Variants in MED1 observed in about 807,000 individuals in gnomAD.
The protein encoded by MED1 is mediator of RNA polymerase II transcription subunit 1.
A neutral mutation model predicts 121.3 loss-of-function variants in MED1; 17 were observed. The observed-to-expected ratio is 0.14, with a 90% CI of 0.10 to 0.21. The LOEUF (loss-of-function observed/expected upper bound fraction) is 0.21, where lower values mean the gene tolerates loss of function less well. MED1 is among the 10% of genes least tolerant of loss of function. The pLI, the probability that MED1 is intolerant of heterozygous loss-of-function variation, is 1.00. For missense variants in MED1, 1,558 were observed against 1,919.4 expected (o/e 0.81, Z 3.52); for synonymous variants, 661 against 694.4 (o/e 0.95, Z 0.76).
rs2048396374 is a variant in MED1 at position 39,415,042 on chromosome 17, C to T, written c.1483G>A (p.Ala495Thr). ...CAAGGCTACCTTTGAACAACTTTGG[C>T]AATGAAGTCATCTGTGCAGATCAGT... ...DALICTDDFI[A>T]KVVQRCMSIP... is the part of the protein sequence containing the mutation. The change falls in exon 16 of 17, where the codon GCC becomes ACC. Residue 495 changes from alanine to threonine, a missense_variant. Physicochemically the swap from Ala to Thr is moderately conservative, Grantham distance 58. This residue lies in a region of MED1 where 50 missense variants were observed against 134.5 expected (regional missense o/e 0.37). Coordinates refer to ENST00000300651, the MANE Select transcript of MED1 (RefSeq NM_004774.4). The T allele has an allele frequency of 6.2e-7, 1 of 1,613,998 alleles. No homozygotes were observed. Among genetic ancestry groups the T allele is most frequent in the Non-Finnish European group, 8.5e-7 (1 of 1,179,896 alleles).
At chr17:39,427,497 C>A (rs1460318483) in intron 10 of MED1, 1 of 354,574 alleles carries the variant, frequency 2.8e-6, no homozygotes, top group East Asian at 5.1e-5. Flanking sequence ...ACTTATTAAG[C>A]TCCTATTATG....
At chr17:39,418,018 G>A (rs2048425831) in intron 14 of MED1, among the ~76,000 whole-genome samples, 1 of 146,294 alleles carries the variant, frequency 6.8e-6, no homozygotes. Flanking sequence ...CCTGGGAGGC[G>A]GAGGTTGCAG....
chr17:39,434,435 A>G (rs2048599221), intron 6 of MED1, 115 bp from the exon 7 acceptor site: 2 of 515,546 alleles, frequency 3.9e-6, no homozygotes, highest in Non-Finnish European at 6.9e-6. Context: ...TTTAATAATC[A>G]GCTTTAACCA....
rs761559810 is a variant in MED1 at position 39,408,550 on chromosome 17, G to A, written c.3671C>T (p.Pro1224Leu). 6.2e-7 allele frequency: 1 copy of A among 1,614,212 alleles called. No homozygotes were observed. The highest frequency in any genetic ancestry group is 1.7e-5 in the Admixed American group (1 of 60,028). ...AGAACCACCAGAACCTGAACTGATA[G>A]GGGACTTGGCTTTAGAGGATGGAGG... ...GTPPSSKAKS[P>L]ISSGSGGSHM... The change falls in exon 17 of 17, where the codon CCT becomes CTT. Residue 1224 changes from proline (P) to leucine (L), a missense_variant. By Grantham distance (98) the Pro-to-Leu change is moderately conservative (BLOSUM62 -3). Transcript: ENST00000300651. The surrounding 1 kb of genome is among the most constrained non-coding windows in gnomAD (Gnocchi z 4.7).
Position 39,408,909 on chromosome 17 carries a change from A to C in MED1, c.3312T>G (p.Ser1104=), listed in dbSNP as rs1311450681. Residue 1104 remains serine, a synonymous_variant, in exon 17 of 17, where the codon TCT becomes TCG. Coordinates refer to ENST00000300651, the MANE Select transcript of MED1 (RefSeq NM_004774.4). This position sits in a 1 kb window ranked among gnomAD's most constrained non-coding sequence, Gnocchi z 4.7. ...SKSHHSHSSS[S]SSSASTSGKM... is the part of the protein sequence containing the mutation. The stretch of plus-strand genomic sequence containing the variant: ...TCCCTGAGGTGGAAGCAGATGAGGA[A>C]GAGGAGGAAGAATGGCTATGGTGGC... 3.7e-6 allele frequency: 6 copies of C among 1,614,050 alleles called. No individual in the cohort carries two copies. The highest frequency in any genetic ancestry group is 5.1e-6 in the Non-Finnish European group (6 of 1,180,042).
chr17:39,444,906 T>C (rs2048712405), intron 2 of MED1, among the ~76,000 whole-genome samples: 2 of 152,082 alleles, frequency 1.3e-5, no homozygotes, highest in African/African-American at 4.8e-5. Flanking sequence ...AAAAAAAACT[T>C]AGCCTAGTTT....
intron 15 of MED1, 27 bp downstream of exon 15, chr17:39,415,217 G>C (rs1404833624): frequency 1.2e-6 from 2 of 1,608,628 alleles, no homozygotes; most frequent in Non-Finnish European, 1.7e-6. Context: ...CGCTCCATGA[G>C]AGGTGTTAGC....
At position 39,404,321 on chromosome 17, in the gene MED1, A is replaced by G. The variant is rs1406459954; in HGVS notation, c.*3154T>C. The G allele has an allele frequency of 1.3e-5, 2 of 152,318 alleles. No homozygotes were observed. Among genetic ancestry groups the G allele is most frequent in the Non-Finnish European group, 2.9e-5 (2 of 68,030 alleles). 9.4% of individuals were successfully genotyped at this position (152,318 alleles called of 1,614,324 possible). On this transcript the variant is annotated 3_prime_UTR_variant, in exon 17 of 17. Transcript: ENST00000300651. ...CAAAGAAGTTTATTTGCATGTAAAT[A>G]AACAGGTTATTTTGTAATGTTTCGG... is the stretch of plus-strand genomic sequence containing the variant.
At chr17:39,413,782 A>G (rs907932149) in intron 16 of MED1, among the ~76,000 whole-genome samples, 7 of 152,024 alleles carry the variant, frequency 4.6e-5, no homozygotes, top group Non-Finnish European at 7.4e-5. Context: ...CACATCTATG[A>G]AGAATTGGCA....
intron 6 of MED1, among the ~76,000 whole-genome samples, chr17:39,435,160 T>C (rs549598409): frequency 6.6e-6 from 1 of 152,148 alleles, no homozygotes; most frequent in South Asian, 2.1e-4. Context: ...AGAGCAAGAC[T>C]GTGTGTCAAA....
intron 6 of MED1, among the ~76,000 whole-genome samples, chr17:39,436,340 G>T: frequency 7.1e-6 from 1 of 140,174 alleles, no homozygotes; most frequent in East Asian, 2.1e-4. Context: ...CAGCCTGGGC[G>T]ACAGAGCAAG....
chr17:39,445,927 G>C (rs921376766), intron 2 of MED1, among the ~76,000 whole-genome samples: 4 of 151,874 alleles, frequency 2.6e-5, no homozygotes, highest in Admixed American at 2.0e-4. Context: ...TACTCAGGAG[G>C]CTGGGGCAGG....
chr17:39,410,298 G>C lies in MED1; in HGVS notation c.1923C>G (p.Asn641Lys). ...PVSSMAGNTK[N>K]HPMLMNLLKD... ...TAAGAAGGTTCATGAGCATCGGGTG[G>C]TTCTTGGTGTTGCCGGCCATCGAAG... Residue 641 changes from asparagine to lysine, a missense_variant, in exon 17 of 17, where the codon AAC (asparagine) becomes AAG (lysine). Asn to Lys is a moderately conservative substitution (Grantham distance 94). Around this residue, in one of 5 missense-constraint regions of MED1, gnomAD observed 793 missense variants for 898.2 expected, o/e 0.88. Coordinates refer to ENST00000300651, the MANE Select transcript of MED1 (RefSeq NM_004774.4). The C allele has an allele frequency of 6.2e-7, 1 of 1,614,004 alleles. No individual in the cohort carries two copies. Among genetic ancestry groups the C allele is most frequent in the Non-Finnish European group, 8.5e-7 (1 of 1,180,026 alleles).
intron 16 of MED1, among the ~76,000 whole-genome samples, chr17:39,414,634 CTTTTTTTTTTTTTTTTTTTTTTTTT>C (rs55829399): frequency 1.3e-4 from 8 of 61,558 alleles, no homozygotes; most frequent in African/African-American, 3.3e-4. Context: ...CAGGCCCGGC[CTTTTTTTTTTTTTTTTTTTTTTTTT>C]TTTTTTTTTT....
In MED1 at chr17:39,406,300, A is replaced by C; in HGVS notation, c.*1175T>G. 1.0e-6 allele frequency: 1 copy of C among 985,512 alleles called. No individual in the cohort carries two copies. The highest frequency in any genetic ancestry group is 1.2e-6 in the Non-Finnish European group (1 of 829,926). The allele number at this position is 985,512 out of a possible 1,614,324, so 61.0% of individuals were successfully genotyped here. On this transcript the variant is annotated 3_prime_UTR_variant, in exon 17 of 17. Transcript: ENST00000300651. ...ATGGCTGCGGATTTTTTACTGTTTTATCTCAGGGAGCATACAGTGGAGTGA... is the reference window on the plus strand; with the variant it reads ...ATGGCTGCGGATTTTTTACTGTTTTCTCTCAGGGAGCATACAGTGGAGTGA...
At chr17:39,422,928 C>T (rs944793474) in intron 13 of MED1, among the ~76,000 whole-genome samples, 1 of 141,516 alleles carries the variant, frequency 7.1e-6, no homozygotes. Context: ...CACAATGGCA[C>T]AATCTTGTCT....
In MED1 at chr17:39,450,755, A is replaced by G. The variant is rs1034042269; in HGVS notation, c.25+283T>C. Among the ~76,000 whole-genome samples, 3 of 152,142 alleles carry G rather than the reference A, an allele frequency of 2.0e-5. No homozygotes were observed. In the East Asian group the frequency reaches 5.8e-4, roughly 29 times the overall value. On this transcript the variant is annotated intron_variant, in intron 1 of 16. Coordinates refer to ENST00000300651, the MANE Select transcript of MED1 (RefSeq NM_004774.4). ...AGGCGTCTCTTCTGGAACGAGATGT[A>G]AGCTGATTTTGTATTCATTTGCCCC... is the stretch of plus-strand genomic sequence containing the variant.
At chr17:39,414,452 C>A (rs1010190871) in intron 16 of MED1, among the ~76,000 whole-genome samples, 20 of 151,118 alleles carry the variant, frequency 1.3e-4, no homozygotes, top group African/African-American at 4.6e-4. Flanking sequence ...TCTCCTGCCT[C>A]AGCCTCCCTA....
rs1381854489 is a variant in MED1, at chr17:39,451,174, T to C, written c.-112A>G. On this transcript the variant is annotated 5_prime_UTR_variant, in exon 1 of 17. Coordinates refer to ENST00000300651, the MANE Select transcript of MED1 (RefSeq NM_004774.4). ...CGGGACGCAGGGCACCAGCAGTCCCTACTCTTCCCGGGAAGGATCAATCTG... is the reference window on the plus strand; with the variant it reads ...CGGGACGCAGGGCACCAGCAGTCCCCACTCTTCCCGGGAAGGATCAATCTG... The C allele has an allele frequency of 8.2e-7, 1 of 1,223,870 alleles. No individual in the cohort carries two copies. Among genetic ancestry groups the C allele is most frequent in the Non-Finnish European group, 1.2e-6 (1 of 843,830 alleles). The allele number at this position is 1,223,870 out of a possible 1,614,324, so 75.8% of individuals were successfully genotyped here. A position where few individuals can be genotyped will look rare whatever the true frequency, so the allele number is the denominator to read the frequency against.
Sources: gnomAD v4.1 joint callset for allele counts (sites outside exome capture counted in the v4.1 genomes callset) on GRCh38, gnomAD v4.1.1 for gene constraint, gnomAD v4.1.1 regional missense constraint, Gnocchi (gnomAD v3.1) non-coding constraint, MANE v1.5 for transcripts, NCBI Gene and HGNC (gene_info 2026-07-23, HGNC 2026-07-21) for gene names.